Variants in ANGPT1 observed in about 807,000 individuals in gnomAD.
ANGPT1 encodes angiopoietin-1.
Under a neutral mutation model 62.2 loss-of-function variants are expected in ANGPT1, and 17 were observed. That is an observed-to-expected ratio of 0.27 (90% CI 0.19 to 0.41). The LOEUF (loss-of-function observed/expected upper bound fraction) is 0.41, where lower values mean the gene tolerates loss of function less well. Among genes scored for constraint, ANGPT1 ranks in the 10% least tolerant of loss-of-function variants. The pLI is 1.00. For synonymous variants in ANGPT1, 199 were observed against 198.9 expected (o/e 1.00, Z 0.00); for missense variants, 478 against 594.9 (o/e 0.80, Z 2.04).
intron 1 of ANGPT1, among the ~76,000 whole-genome samples, chr8:107,477,113 G>C (rs1812554687): frequency 6.6e-6 from 1 of 152,012 alleles, no homozygotes; most frequent in African/African-American, 2.4e-5. Flanking sequence ...TTGACAGTAA[G>C]TTTCTATCAT....
chr8:107,327,714 T>C (rs933274318), intron 3 of ANGPT1, among the ~76,000 whole-genome samples: 1 of 152,118 alleles, frequency 6.6e-6, no homozygotes, highest in Non-Finnish European at 1.5e-5. Flanking sequence ...GTCTTAGGAC[T>C]TCCTGTTTCC....
intron 1 of ANGPT1, among the ~76,000 whole-genome samples, chr8:107,472,591 C>A (rs1423301972): frequency 1.3e-5 from 2 of 151,882 alleles, no homozygotes; most frequent in African/African-American, 2.4e-5. Flanking sequence ...ATTCTATATA[C>A]CAAGCTTTGT....
chr8:107,364,291 G>A (rs562763632), intron 1 of ANGPT1, among the ~76,000 whole-genome samples: 2 of 152,076 alleles, frequency 1.3e-5, no homozygotes, highest in South Asian at 2.1e-4. Context: ...TTATTACTAC[G>A]ATTTTTTGAG....
chr8:107,422,327 G>C (rs1007229611), intron 1 of ANGPT1, among the ~76,000 whole-genome samples: 2 of 152,148 alleles, frequency 1.3e-5, no homozygotes, highest in African/African-American at 4.8e-5. Context: ...GAGAGTCTGA[G>C]CATGTGCCCA....
chr8:107,366,871 C>T (rs956079955), intron 1 of ANGPT1, among the ~76,000 whole-genome samples: 1 of 152,148 alleles, frequency 6.6e-6, no homozygotes, highest in East Asian at 1.9e-4. Context: ...TGCATTCTGT[C>T]TCTCTGGCTC....
intron 1 of ANGPT1, among the ~76,000 whole-genome samples, chr8:107,360,513 C>T (rs1816140147): frequency 6.6e-6 from 1 of 152,176 alleles, no homozygotes; most frequent in Non-Finnish European, 1.5e-5. Flanking sequence ...CAAACAGGCC[C>T]TTTGCTGCCC....
At chr8:107,410,433 G>T (rs1238292335) in intron 1 of ANGPT1, among the ~76,000 whole-genome samples, 1 of 152,000 alleles carries the variant, frequency 6.6e-6, no homozygotes, top group East Asian at 1.9e-4. Flanking sequence ...ATGCTAAAAG[G>T]CTCCCTTTTA....
At chr8:107,359,490 C>T (rs921072698) in intron 1 of ANGPT1, among the ~76,000 whole-genome samples, 11 of 152,148 alleles carry the variant, frequency 7.2e-5, no homozygotes, top group Non-Finnish European at 1.6e-4. Flanking sequence ...AAAATTGATT[C>T]TATAGTTATT....
chr8:107,354,722 C>T (rs769482459), intron 1 of ANGPT1, among the ~76,000 whole-genome samples: 2 of 152,226 alleles, frequency 1.3e-5, no homozygotes, highest in African/African-American at 4.8e-5. Context: ...ATCTCTGAAT[C>T]GCTTAATCCC....
chr8:107,411,779 T>G (rs1294695147), intron 1 of ANGPT1, among the ~76,000 whole-genome samples: 1 of 152,168 alleles, frequency 6.6e-6, no homozygotes, highest in Admixed American at 6.5e-5. Flanking sequence ...AAGGTCAGCT[T>G]CAAAAATATT....
intron 1 of ANGPT1, among the ~76,000 whole-genome samples, chr8:107,412,072 A>G (rs1810596957): frequency 6.6e-6 from 1 of 152,148 alleles, no homozygotes; most frequent in Non-Finnish European, 1.5e-5. Flanking sequence ...TTGACTCACT[A>G]GATGTAAGTA....
At chr8:107,298,885 C>T (rs1814484686) in intron 5 of ANGPT1, among the ~76,000 whole-genome samples, 1 of 151,804 alleles carries the variant, frequency 6.6e-6, no homozygotes, top group African/African-American at 2.4e-5. Context: ...AATGCTTTGG[C>T]TAAGCCTACC....
chr8:107,476,849 G>A (rs1203135148), intron 1 of ANGPT1, among the ~76,000 whole-genome samples: 1 of 152,024 alleles, frequency 6.6e-6, no homozygotes, highest in Non-Finnish European at 1.5e-5. Context: ...GAAGACTTCT[G>A]GTTTATTTTT....
chr8:107,303,472 T>G (rs1395162546), intron 4 of ANGPT1, 105 bp from the exon 5 acceptor site: 1 of 965,008 alleles, frequency 1.0e-6, no homozygotes. Flanking sequence ...TCCACACAAA[T>G]GTCAATATCG....
At chr8:107,283,353 C>T (rs1207111523) in intron 7 of ANGPT1, among the ~76,000 whole-genome samples, 2 of 152,062 alleles carry the variant, frequency 1.3e-5, no homozygotes, top group Non-Finnish European at 2.9e-5. Flanking sequence ...CCCTCCACCC[C>T]CACCATGAGA....
At chr8:107,493,631 A>G (rs1330942108) in intron 1 of ANGPT1, among the ~76,000 whole-genome samples, 1 of 150,550 alleles carries the variant, frequency 6.6e-6, no homozygotes, top group African/African-American at 2.4e-5. Flanking sequence ...GACAGTAGAC[A>G]GTAAAGTGCA....
chr8:107,477,036 T>C (rs1378463546), intron 1 of ANGPT1, among the ~76,000 whole-genome samples: 1 of 152,140 alleles, frequency 6.6e-6, no homozygotes, highest in Non-Finnish European at 1.5e-5. Flanking sequence ...CCTTGCATAA[T>C]GCAACCACAG....
chr8:107,410,136 G>A (rs574157624), intron 1 of ANGPT1, among the ~76,000 whole-genome samples: 4 of 152,174 alleles, frequency 2.6e-5, no homozygotes, highest in Non-Finnish European at 4.4e-5. Flanking sequence ...GTGCAGGCCA[G>A]CCTGGACAAA....
intron 1 of ANGPT1, among the ~76,000 whole-genome samples, chr8:107,349,853 A>G (rs910052271): frequency 2.6e-5 from 4 of 152,136 alleles, no homozygotes; most frequent in African/African-American, 7.2e-5. Context: ...ATGCAGATGG[A>G]GGTAAAACAC....
Sources: gnomAD v4.1 joint callset for allele counts (sites outside exome capture counted in the v4.1 genomes callset) on GRCh38, gnomAD v4.1.1 for gene constraint, MANE v1.5 for transcripts, NCBI Gene and HGNC (gene_info 2026-07-23, HGNC 2026-07-21) for gene names.